LRRC37A2: variants seen among roughly 807,000 people sequenced by gnomAD.
LRRC37A2 encodes the protein leucine rich repeat containing 37 member A2.
Under a neutral mutation model 68.8 loss-of-function variants are expected in LRRC37A2, and 9 were observed. The ratio of observed to expected loss-of-function variants is 0.13; its 90% CI spans 0.08 to 0.23. The LOEUF (loss-of-function observed/expected upper bound fraction) is 0.23. Ranked by LOEUF, LRRC37A2 falls within the 10% of genes least tolerant of loss-of-function variation. LRRC37A2 has a pLI of 1.00. For synonymous variants in LRRC37A2, 63 were observed against 367.6 expected, an observed-to-expected ratio of 0.17 and a Z score of 9.48; for missense variants, 168 against 950.4, an observed-to-expected ratio of 0.18 and a Z score of 10.82.
At chr17:46,956,168 G>C in the LRRC37A2 span, among the ~76,000 whole-genome samples, 1 of 151,794 alleles carries the variant, frequency 6.6e-6, no homozygotes, top group African/African-American at 2.4e-5. Flanking sequence ...AGCTAGTTCT[G>C]GATCAGAATC....
chr17:46,833,384 C>A, the LRRC37A2 span: 2 of 518,396 alleles, frequency 3.9e-6, no homozygotes, highest in Non-Finnish European at 7.7e-6. Context: ...CTCTGGCATG[C>A]CAAGGCCTGA....
the LRRC37A2 span, among the ~76,000 whole-genome samples, chr17:46,499,029 T>C: frequency 6.7e-6 from 1 of 149,794 alleles, no homozygotes; most frequent in African/African-American, 2.5e-5. Context: ...GAAAGCACTC[T>C]ATAGGCCAGG....
the LRRC37A2 span, chr17:46,923,405 G>A: frequency 6.9e-7 from 1 of 1,447,264 alleles, no homozygotes; most frequent in Non-Finnish European, 9.1e-7. Context: ...ACAGACAGTG[G>A]GTTCAGGCTG....
At chr17:46,904,383 T>C in the LRRC37A2 span, among the ~76,000 whole-genome samples, 1 of 148,620 alleles carries the variant, frequency 6.7e-6, no homozygotes, top group Non-Finnish European at 1.5e-5. Flanking sequence ...GGTGGCTGAC[T>C]GGCTGGCTGG....
chr17:46,973,821 CAT>C, the LRRC37A2 span, among the ~76,000 whole-genome samples: 25,358 of 151,976 alleles, frequency 0.17, 2,394 homozygotes, highest in East Asian at 0.24. Context: ...GCGTGCGACA[CAT>C]GTGTACACGT....
chr17:46,718,659 C>T, the LRRC37A2 span, among the ~76,000 whole-genome samples: 2 of 152,262 alleles, frequency 1.3e-5, no homozygotes, highest in African/African-American at 2.4e-5. Flanking sequence ...TTGCTCAGCT[C>T]TCCACACTGA....
chr17:46,752,558 C>T, the LRRC37A2 span, among the ~76,000 whole-genome samples: 5 of 152,122 alleles, frequency 3.3e-5, no homozygotes, highest in Non-Finnish European at 7.3e-5. Flanking sequence ...CAGGCTCAGG[C>T]GTTCCTCCCG....
the LRRC37A2 span, among the ~76,000 whole-genome samples, chr17:46,789,519 AG>A: frequency 6.6e-6 from 1 of 152,238 alleles, no homozygotes; most frequent in African/African-American, 2.4e-5. Flanking sequence ...TGCAGCAGGA[AG>A]GCCCCAACCT....
chr17:46,844,029 T>A, the LRRC37A2 span, among the ~76,000 whole-genome samples: 1 of 152,214 alleles, frequency 6.6e-6, no homozygotes, highest in Non-Finnish European at 1.5e-5. Flanking sequence ...TCATGGCTCA[T>A]TGCAGTTGCA....
the LRRC37A2 span, among the ~76,000 whole-genome samples, chr17:46,959,045 G>C: frequency 6.6e-6 from 1 of 152,236 alleles, no homozygotes; most frequent in Non-Finnish European, 1.5e-5. Context: ...CTGCATGCAA[G>C]GCTGTCCTTA....
At chr17:46,928,311 C>T in the LRRC37A2 span, among the ~76,000 whole-genome samples, 1 of 152,166 alleles carries the variant, frequency 6.6e-6, no homozygotes, top group Non-Finnish European at 1.5e-5. Flanking sequence ...AGTTGGGTGC[C>T]TGGCTGGCAT....
the LRRC37A2 span, among the ~76,000 whole-genome samples, chr17:46,621,129 ACT>A: frequency 2.1e-5 from 3 of 140,142 alleles, no homozygotes; most frequent in African/African-American, 8.3e-5. Context: ...TTCAGTGGCT[ACT>A]CTCTATCTCC....
At chr17:46,941,467 G>C in the LRRC37A2 span, 1 of 977,456 alleles carries the variant, frequency 1.0e-6, no homozygotes, top group Non-Finnish European at 1.2e-6. Context: ...ATGGCCAGGG[G>C]CTGGGCTGGC....
chr17:47,018,342 G>C, the LRRC37A2 span: 1 of 1,611,378 alleles, frequency 6.2e-7, no homozygotes, highest in South Asian at 1.1e-5. Context: ...GGAGACCCCA[G>C]GTCAGCCTCT....
At chr17:46,676,157 G>A in the LRRC37A2 span, among the ~76,000 whole-genome samples, 7 of 142,740 alleles carry the variant, frequency 4.9e-5, no homozygotes, top group African/African-American at 1.9e-4. Context: ...TGCCACCACA[G>A]GGAAATTAAC....
At chr17:46,988,341 G>A in the LRRC37A2 span, among the ~76,000 whole-genome samples, 1 of 152,184 alleles carries the variant, frequency 6.6e-6, no homozygotes, top group Non-Finnish European at 1.5e-5. Context: ...GTGAGTTGGG[G>A]AGCAACTGCT....
chr17:47,037,877 G>A, the LRRC37A2 span, among the ~76,000 whole-genome samples: 25 of 152,096 alleles, frequency 1.6e-4, no homozygotes, highest in Non-Finnish European at 3.2e-4. Context: ...TTCTGGTAAT[G>A]TGTCTTTCAT....
chr17:46,898,558 C>A, the LRRC37A2 span, among the ~76,000 whole-genome samples: 1 of 152,132 alleles, frequency 6.6e-6, no homozygotes, highest in Non-Finnish European at 1.5e-5. Flanking sequence ...GAGAAGGAAA[C>A]TCAACTTGGG....
the LRRC37A2 span, among the ~76,000 whole-genome samples, chr17:46,506,343 C>CA: frequency 1.4e-5 from 1 of 73,258 alleles, no homozygotes; most frequent in East Asian, 4.1e-4. Flanking sequence ...TTTTTTGAGA[C>CA]AGAGTCTTGC....
Sources: allele counts gnomAD v4.1 joint callset (sites outside exome capture counted in the v4.1 genomes callset), GRCh38; gene constraint gnomAD v4.1.1; transcripts MANE v1.5; gene names NCBI Gene and HGNC (gene_info 2026-07-23, HGNC 2026-07-21).